The following CNTN4 variants were observed in gnomAD, a reference collection of about 807,000 sequenced individuals.
CNTN4 encodes contactin-4.
CNTN4 carries 77 observed loss-of-function variants against 122.5 expected under a neutral mutation model. That is an observed-to-expected ratio of 0.63 (90% CI 0.52 to 0.76). The LOEUF is 0.76. CNTN4 is among the 30% of genes least tolerant of loss of function. The probability of loss-of-function intolerance (pLI) is 0.00; values close to 1 mark genes in which losing one functional copy is unlikely to be tolerated. For missense variants in CNTN4, 1,256 were observed against 1,259.1 expected, an observed-to-expected ratio of 1.00 and a Z score of 0.04; for synonymous variants, 512 against 447.0, an observed-to-expected ratio of 1.15 and a Z score of -1.83.
At chr3:2,804,272 A>G (rs1231523403) in intron 6 of CNTN4, among the ~76,000 whole-genome samples, 2 of 152,120 alleles carry the variant, frequency 1.3e-5, no homozygotes, top group African/African-American at 4.8e-5. Flanking sequence ...CTGCATAAAC[A>G]TTATTTGTTT....
chr3:2,890,490 C>T (rs1208568580), intron 10 of CNTN4, among the ~76,000 whole-genome samples: 4 of 152,204 alleles, frequency 2.6e-5, no homozygotes, highest in African/African-American at 9.6e-5. Flanking sequence ...TAGAAACCTG[C>T]TTCTTTGGGT....
intron 4 of CNTN4, among the ~76,000 whole-genome samples, chr3:2,677,356 A>G (rs2084916990): frequency 6.6e-6 from 1 of 151,250 alleles, no homozygotes; most frequent in Non-Finnish European, 1.5e-5. Flanking sequence ...TGGGGGGCAC[A>G]GAGTCTTGCT....
intron 3 of CNTN4, among the ~76,000 whole-genome samples, chr3:2,504,253 C>A (rs2076674821): frequency 6.6e-6 from 1 of 152,224 alleles, no homozygotes; most frequent in East Asian, 1.9e-4. Context: ...AGACTGATTT[C>A]CAGGTTTATC....
intron 3 of CNTN4, among the ~76,000 whole-genome samples, chr3:2,376,478 G>A (rs10510190): frequency 1.3e-5 from 2 of 152,008 alleles, no homozygotes; most frequent in Non-Finnish European, 2.9e-5. Flanking sequence ...CACAGAGGCG[G>A]TAATATTTGA....
At chr3:2,732,357 GATA>G (rs2088756291) in intron 4 of CNTN4, among the ~76,000 whole-genome samples, 1 of 152,156 alleles carries the variant, frequency 6.6e-6, no homozygotes, top group Non-Finnish European at 1.5e-5. Context: ...AGCATGGCAT[GATA>G]ATAATGCAGG....
At chr3:2,883,003 G>A in intron 8 of CNTN4, 142 bp from the exon 9 acceptor site, 1 of 656,638 alleles carries the variant, frequency 1.5e-6, no homozygotes, top group Non-Finnish European at 2.7e-6. Flanking sequence ...ATGACTGCTG[G>A]AGATAGGACC....
At chr3:2,943,473 A>T (rs1325129173) in intron 13 of CNTN4, among the ~76,000 whole-genome samples, 2 of 151,932 alleles carry the variant, frequency 1.3e-5, no homozygotes, top group Non-Finnish European at 2.9e-5. Flanking sequence ...GTTCTTAGCA[A>T]TTGCACCATC....
intron 10 of CNTN4, among the ~76,000 whole-genome samples, chr3:2,891,247 T>G (rs1458454886): frequency 6.6e-6 from 1 of 152,094 alleles, no homozygotes; most frequent in Non-Finnish European, 1.5e-5. Flanking sequence ...GTGAGTCACT[T>G]GAGGCCAGGA....
At chr3:2,647,931 A>T (rs2083200540) in intron 4 of CNTN4, among the ~76,000 whole-genome samples, 1 of 152,226 alleles carries the variant, frequency 6.6e-6, no homozygotes, top group Non-Finnish European at 1.5e-5. Context: ...ATATGTTTAC[A>T]ATTAGATATA....
intron 4 of CNTN4, 141 bp from the exon 5 acceptor site, chr3:2,736,074 C>A (rs978902305): frequency 2.3e-6 from 2 of 872,470 alleles, no homozygotes; most frequent in African/African-American, 3.3e-5. Flanking sequence ...AAATTTTCTT[C>A]TAGAAGCTGA....
chr3:2,454,726 C>T (rs941251697), intron 3 of CNTN4, among the ~76,000 whole-genome samples: 2 of 147,138 alleles, frequency 1.4e-5, no homozygotes, highest in Admixed American at 1.4e-4. Context: ...TTTCCTACTC[C>T]ATTAGTGATC....
At chr3:2,891,173 A>C (rs116430871) in intron 10 of CNTN4, among the ~76,000 whole-genome samples, 154 of 152,274 alleles carry the variant, frequency 1.0e-3, no homozygotes, top group Non-Finnish European at 1.6e-3. Context: ...GAAAATAATG[A>C]GGTTGATTGG....
At chr3:2,908,113 G>A (rs750312840) in intron 12 of CNTN4, among the ~76,000 whole-genome samples, 2 of 152,254 alleles carry the variant, frequency 1.3e-5, no homozygotes, top group South Asian at 4.2e-4. Context: ...CTCCCTGGGT[G>A]ATAACCATCA....
chr3:2,297,384 AT>A (rs2042351083), intron 2 of CNTN4, among the ~76,000 whole-genome samples: 1 of 152,178 alleles, frequency 6.6e-6, no homozygotes, highest in Non-Finnish European at 1.5e-5. Context: ...TGCTTTAACA[AT>A]TACATTAAAA....
intron 3 of CNTN4, among the ~76,000 whole-genome samples, chr3:2,347,692 G>A (rs1413847316): frequency 7.2e-6 from 1 of 138,576 alleles, no homozygotes; most frequent in South Asian, 2.3e-4. Context: ...TTACAAGCGT[G>A]AGCCACCATG....
chr3:2,551,235 T>C (rs2078491176), intron 3 of CNTN4, among the ~76,000 whole-genome samples: 1 of 152,094 alleles, frequency 6.6e-6, no homozygotes, highest in Admixed American at 6.6e-5. Flanking sequence ...ATGGAAAACA[T>C]TACTGATTGA....
intron 4 of CNTN4, among the ~76,000 whole-genome samples, chr3:2,637,034 A>AG (rs1442868302): frequency 7.2e-6 from 1 of 138,196 alleles, no homozygotes; most frequent in East Asian, 2.3e-4. Context: ...CTTGACTTTG[A>AG]GGGCTCAGGT....
At chr3:2,318,710 G>T (rs1022207637) in intron 2 of CNTN4, among the ~76,000 whole-genome samples, 2 of 152,140 alleles carry the variant, frequency 1.3e-5, no homozygotes, top group Non-Finnish European at 2.9e-5. Context: ...GTGCAGTGGA[G>T]CTCACTCCAC....
chr3:2,111,666 G>T (rs1052065824), intron 2 of CNTN4, among the ~76,000 whole-genome samples: 1 of 152,058 alleles, frequency 6.6e-6, no homozygotes, highest in African/African-American at 2.4e-5. Context: ...ATTAAAGTTA[G>T]TATGTAACAT....
Sources: allele counts gnomAD v4.1 joint callset (sites outside exome capture counted in the v4.1 genomes callset), GRCh38; gene constraint gnomAD v4.1.1; transcripts MANE v1.5; gene names NCBI Gene and HGNC (gene_info 2026-07-23, HGNC 2026-07-21).